ANO10: variants seen among roughly 807,000 people sequenced by gnomAD.
ANO10 encodes the protein anoctamin-10.
A neutral mutation model predicts 74.7 loss-of-function variants in ANO10; 77 were observed. The ratio of observed to expected loss-of-function variants is 1.03; its 90% CI spans 0.86 to 1.25. ANO10 has a LOEUF of 1.25. ANO10 is among the 50% of genes most tolerant of loss of function. ANO10 has a pLI of 0.00. For missense variants in ANO10, 721 were observed against 778.1 expected, an observed-to-expected ratio of 0.93 and a Z score of 0.87; for synonymous variants, 279 against 284.9, an observed-to-expected ratio of 0.98 and a Z score of 0.21.
chr3:43,588,685 C>T (rs1288785475), intron 4 of ANO10, among the ~76,000 whole-genome samples: 1 of 152,020 alleles, frequency 6.6e-6, no homozygotes, highest in East Asian at 1.9e-4. Flanking sequence ...CAAAAACATT[C>T]TAACAGATGC....
intron 12 of ANO10, among the ~76,000 whole-genome samples, chr3:43,391,340 G>C (rs996710313): frequency 6.6e-6 from 1 of 152,088 alleles, no homozygotes; most frequent in African/African-American, 2.4e-5. Context: ...TGACTATTCT[G>C]AGGAAAAAAA....
chr3:43,478,146 C>T (rs1209471176), intron 11 of ANO10, among the ~76,000 whole-genome samples: 4 of 152,166 alleles, frequency 2.6e-5, no homozygotes, highest in Non-Finnish European at 5.9e-5. Flanking sequence ...GTTACGTATC[C>T]TGGCCAAGGT....
At chr3:43,663,292 C>T (rs925921619) in intron 1 of ANO10, among the ~76,000 whole-genome samples, 1 of 152,110 alleles carries the variant, frequency 6.6e-6, no homozygotes, top group African/African-American at 2.4e-5. Context: ...CAACAAAAAC[C>T]ACGATTATCT....
intron 9 of ANO10, 105 bp from the exon 10 acceptor site, chr3:43,555,574 AAG>A (rs2079706002): frequency 8.6e-7 from 1 of 1,163,274 alleles, no homozygotes; most frequent in African/African-American, 1.5e-5. Flanking sequence ...AAAAACCTCA[AAG>A]AGTTTCCCCA....
At chr3:43,486,191 T>C (rs1243591794) in intron 11 of ANO10, among the ~76,000 whole-genome samples, 1 of 152,246 alleles carries the variant, frequency 6.6e-6, no homozygotes, top group Non-Finnish European at 1.5e-5. Context: ...CTATTCTCTC[T>C]GAGGGCCTCT....
At chr3:43,638,083 A>C (rs2083632559) in intron 1 of ANO10, among the ~76,000 whole-genome samples, 1 of 152,200 alleles carries the variant, frequency 6.6e-6, no homozygotes, top group East Asian at 1.9e-4. Context: ...TCTTAATGAG[A>C]TCATCTTGTG....
chr3:43,424,577 T>C (rs999864385), intron 12 of ANO10: 1 of 152,220 alleles, frequency 6.6e-6, no homozygotes, highest in Admixed American at 6.5e-5. Flanking sequence ...ACCAGTCCTG[T>C]GGCCCTCACC....
At chr3:43,610,041 A>G (rs1182330224) in intron 1 of ANO10, among the ~76,000 whole-genome samples, 2 of 152,148 alleles carry the variant, frequency 1.3e-5, no homozygotes, top group South Asian at 2.1e-4. Flanking sequence ...GATTTTTTTG[A>G]CTTCTGTAAT....
chr3:43,599,554 G>C (rs1431334240), intron 3 of ANO10, among the ~76,000 whole-genome samples: 1 of 152,088 alleles, frequency 6.6e-6, no homozygotes, highest in Non-Finnish European at 1.5e-5. Flanking sequence ...CTACTTATGA[G>C]ATGCAACTTT....
rs78817673 is a variant in ANO10, at chr3:43,499,197, G to A, written c.1797+50523C>T. Among the ~76,000 whole-genome samples the A allele has an allele frequency of 5.5e-3, 837 of 152,088 alleles. 8 individuals are homozygous for A. The highest frequency in any genetic ancestry group is 0.019 in the African/African-American group (781 of 41,476). ...GCAAATGCAGAGTGAAAATAAACTCGGCAAGTATTTATCAAACGATACTTG... is the reference window on the plus strand; with the variant it reads ...GCAAATGCAGAGTGAAAATAAACTCAGCAAGTATTTATCAAACGATACTTG... On this transcript the variant is annotated intron_variant, in intron 11 of 12. Coordinates refer to ENST00000292246, the MANE Select transcript of ANO10 (RefSeq NM_018075.5).
At chr3:43,531,004 T>C (rs1436297771) in intron 11 of ANO10, among the ~76,000 whole-genome samples, 1 of 152,148 alleles carries the variant, frequency 6.6e-6, no homozygotes, top group East Asian at 1.9e-4. Context: ...AGAAAAAGTG[T>C]TGATATCAAA....
chr3:43,460,223 G>A (rs765865931), intron 11 of ANO10, among the ~76,000 whole-genome samples: 8 of 152,174 alleles, frequency 5.3e-5, no homozygotes, highest in Non-Finnish European at 1.2e-4. Context: ...GGCAGGCTTT[G>A]GCTATGGAAA....
At chr3:43,409,844 A>AAGCT (rs1350107159) in intron 12 of ANO10, among the ~76,000 whole-genome samples, 2 of 152,188 alleles carry the variant, frequency 1.3e-5, no homozygotes, top group African/African-American at 4.8e-5. Context: ...AGGACCATCA[A>AAGCT]AGCTAAGGGT....
At chr3:43,419,717 T>C (rs540972014) in intron 12 of ANO10, among the ~76,000 whole-genome samples, 1 of 152,234 alleles carries the variant, frequency 6.6e-6, no homozygotes, top group East Asian at 1.9e-4. Context: ...GGTTTCACCA[T>C]GTTGGCCAGG....
chr3:43,573,077 C>A (rs965632748), intron 7 of ANO10, among the ~76,000 whole-genome samples: 4 of 151,508 alleles, frequency 2.6e-5, no homozygotes, highest in Admixed American at 2.6e-4. Flanking sequence ...TAACTGAATT[C>A]TTTAAGACAA....
At chr3:43,668,863 G>C (rs2084022384) in intron 1 of ANO10, among the ~76,000 whole-genome samples, 1 of 151,620 alleles carries the variant, frequency 6.6e-6, no homozygotes, top group African/African-American at 2.4e-5. Context: ...CTTTGTTCCT[G>C]TTTTTATATT....
At chr3:43,576,419 T>A (rs1456059477) in intron 6 of ANO10, among the ~76,000 whole-genome samples, 1 of 152,216 alleles carries the variant, frequency 6.6e-6, no homozygotes, top group Non-Finnish European at 1.5e-5. Context: ...TACTTCACGG[T>A]ACCCTTGAGA....
Position 43,555,468 on chromosome 3 carries a change from C to T in ANO10, c.1478G>A (p.Gly493Asp). 3 of 1,613,836 alleles carry T rather than the reference C, an allele frequency of 1.9e-6. No individual in the cohort carries two copies. Among genetic ancestry groups the T allele is most frequent in the African/African-American group, 1.3e-5 (1 of 74,994 alleles). Residue 493 changes from glycine to aspartate, a missense_variant and splice_region_variant, in exon 10 of 13, where the codon GGC (glycine) becomes GAC (aspartate). Gly to Asp is a moderately conservative substitution (Grantham distance 94). Transcript: ENST00000292246. ...TAACTCCAAGTAATCATCAAAGGTG[C>T]CCTGAAAATATAAACAAGCATGCAT... ...ILEKEMGTYLGTFDDYLELFL... is the reference protein window; with the variant it reads ...ILEKEMGTYLDTFDDYLELFL...
chr3:43,429,145 C>T (rs2092944208), intron 12 of ANO10, among the ~76,000 whole-genome samples: 1 of 151,948 alleles, frequency 6.6e-6, no homozygotes, highest in African/African-American at 2.4e-5. Context: ...TCCATGACAC[C>T]CTCAATGGCA....
Sources: gnomAD v4.1 joint callset for allele counts (sites outside exome capture counted in the v4.1 genomes callset) on GRCh38, gnomAD v4.1.1 for gene constraint, MANE v1.5 for transcripts, NCBI Gene and HGNC (gene_info 2026-07-23, HGNC 2026-07-21) for gene names.